The following BLMH variants were observed in gnomAD, a reference collection of about 807,000 sequenced individuals.
BLMH encodes bleomycin hydrolase, also known as BLM hydrolase.
In BLMH, 32 loss-of-function variants were observed where a neutral mutation model predicts 61.6. That is an observed-to-expected ratio of 0.52 (90% CI 0.39 to 0.70). BLMH has a LOEUF of 0.70. Among genes scored for constraint, BLMH ranks in the 30% least tolerant of loss-of-function variants. BLMH has a pLI of 0.00. For synonymous variants in BLMH, 183 were observed against 193.8 expected, an observed-to-expected ratio of 0.94 and a Z score of 0.46; for missense variants, 460 against 555.5, an observed-to-expected ratio of 0.83 and a Z score of 1.73.
At chr17:30,252,277 A>C (rs1448269407) in intron 11 of BLMH, 1 of 152,186 alleles carries the variant, frequency 6.6e-6, no homozygotes, top group African/African-American at 2.4e-5. Context: ...AGGTGTGACA[A>C]AGGGCATTAT....
intron 11 of BLMH, among the ~76,000 whole-genome samples, chr17:30,259,629 G>A (rs1203188649): frequency 1.3e-5 from 2 of 152,124 alleles, no homozygotes; most frequent in Admixed American, 6.5e-5. Context: ...AGCACACCAT[G>A]AATGCCACTT....
chr17:30,257,981 T>C (rs555138177), intron 11 of BLMH, among the ~76,000 whole-genome samples: 1 of 152,188 alleles, frequency 6.6e-6, no homozygotes, highest in Non-Finnish European at 1.5e-5. Flanking sequence ...GGTCCATTTA[T>C]AATGTATTTT....
chr17:30,274,003 A>T (rs1443530749), intron 7 of BLMH, 39 bp downstream of exon 7: 1 of 1,610,474 alleles, frequency 6.2e-7, no homozygotes, highest in East Asian at 2.2e-5. Flanking sequence ...CAGCCATTTG[A>T]AAGTAAACAG....
rs1597662683 is a variant in BLMH, at chr17:30,272,481, CAG to C, written c.1028+78_1028+79del. 2.0e-5 allele frequency: 30 copies of C among 1,512,166 alleles called. No homozygotes were observed. The East Asian group carries it at 6.3e-4, about 32-fold the overall frequency. The allele number at this position is 1,512,166 out of a possible 1,614,324, so 93.7% of individuals were successfully genotyped here. A position where few individuals can be genotyped will look rare whatever the true frequency, so the allele number is the denominator to read the frequency against. On this transcript the variant is annotated intron_variant, in intron 9 of 11. Coordinates refer to ENST00000261714, the MANE Select transcript of BLMH (RefSeq NM_000386.4). ...ACCTTCATCTTTGGATGAACCTCGG[CAG>C]AGTCATTTTGTACCAACAGCACACT...
In BLMH at chr17:30,291,491, C is replaced by T. The variant is rs1268988339; in HGVS notation, c.31G>A (p.Val11Ile). The change falls in exon 2 of 12, where the codon GTA (valine) becomes ATA (isoleucine). Residue 11 changes from valine (V) to isoleucine (I), a missense_variant. Val to Ile is a conservative substitution (Grantham distance 29). Coordinates refer to ENST00000261714, the MANE Select transcript of BLMH (RefSeq NM_000386.4). MSSSGLNSEK[V>I]AALIQKLNSD... ...TTCAGTTTCTGTATCAGAGCAGCTA[C>T]CTTCTCCGAATTCAGTCCTGTTGGG... is the stretch of plus-strand genomic sequence containing the variant. 9 of 1,614,228 alleles carry T rather than the reference C, an allele frequency of 5.6e-6. No individual in the cohort carries two copies. The highest frequency in any genetic ancestry group is 7.6e-6 in the Non-Finnish European group (9 of 1,180,032).
intron 11 of BLMH, 24 bp downstream of exon 11, chr17:30,266,861 T>C (rs756582629): frequency 1.2e-6 from 2 of 1,608,128 alleles, no homozygotes; most frequent in South Asian, 2.2e-5. Context: ...TCACCTGGAG[T>C]TAGTATTACC....
At position 30,291,867 on chromosome 17, in the gene BLMH, G is replaced by C. The variant is rs1472307518; in HGVS notation, c.-48C>G. 2.3e-6 allele frequency: 3 copies of C among 1,288,786 alleles called. No individual in the cohort carries two copies. Among genetic ancestry groups the C allele is most frequent in the East Asian group, 3.0e-5 (1 of 32,818 alleles). 79.8% of individuals were successfully genotyped at this position (1,288,786 alleles called of 1,614,324 possible). A position where few individuals can be genotyped will look rare whatever the true frequency, so the allele number is the denominator to read the frequency against. On this transcript the variant is annotated 5_prime_UTR_variant, in exon 1 of 12. Transcript: ENST00000261714. ...GTAACGGTAGCTTCCAGGGTCCTTG[G>C]GCGAGCGCCGGGATTGCGCTGCGGC...
chr17:30,269,745 A>G (rs896374018), intron 10 of BLMH, among the ~76,000 whole-genome samples: 6 of 152,148 alleles, frequency 3.9e-5, no homozygotes, highest in African/African-American at 1.4e-4. Context: ...GGTTTACAAG[A>G]CCTCAACCTT....
intron 5 of BLMH, among the ~76,000 whole-genome samples, chr17:30,285,768 CAT>C (rs1284070560): frequency 2.0e-5 from 3 of 152,176 alleles, no homozygotes; most frequent in African/African-American, 7.2e-5. Context: ...ATGGGGAAAA[CAT>C]GTGATCACAT....
intron 10 of BLMH, 120 bp downstream of exon 10, chr17:30,271,151 G>C: frequency 1.3e-6 from 1 of 773,472 alleles, no homozygotes; most frequent in Non-Finnish European, 2.1e-6. Flanking sequence ...GTCTTACTTG[G>C]AAACTAACTT....
chr17:30,271,460 G>T, intron 9 of BLMH, 72 bp from the exon 10 acceptor site: 4 of 1,175,076 alleles, frequency 3.4e-6, no homozygotes, highest in Non-Finnish European at 5.1e-6. Context: ...GTTGTAAAAG[G>T]AATTCAGAAG....
At chr17:30,284,386 G>A (rs927276749) in intron 6 of BLMH, among the ~76,000 whole-genome samples, 3 of 152,156 alleles carry the variant, frequency 2.0e-5, no homozygotes, top group Non-Finnish European at 2.9e-5. Flanking sequence ...GCTCCACTAT[G>A]CTGCATCTCT....
intron 5 of BLMH, 42 bp downstream of exon 5, chr17:30,286,772 A>G (rs1345735610): frequency 7.0e-7 from 1 of 1,423,020 alleles, no homozygotes; most frequent in Non-Finnish European, 9.9e-7. Context: ...GTTTGAAGGA[A>G]AGTACACTAA....
intron 2 of BLMH, 90 bp from the exon 3 acceptor site, chr17:30,289,572 G>C (rs1392808339): frequency 2.7e-6 from 2 of 736,682 alleles, no homozygotes; most frequent in Middle Eastern, 2.4e-4. Flanking sequence ...CTCATGACAC[G>C]ATCTGGACAA....
intron 6 of BLMH, among the ~76,000 whole-genome samples, chr17:30,283,195 G>A (rs1908637633): frequency 6.6e-6 from 1 of 152,148 alleles, no homozygotes; most frequent in African/African-American, 2.4e-5. Context: ...ACAGAATTCT[G>A]TAGTAAATAG....
intron 6 of BLMH, 100 bp from the exon 7 acceptor site, chr17:30,274,297 T>C (rs942830441): frequency 7.3e-7 from 1 of 1,361,522 alleles, no homozygotes; most frequent in African/African-American, 1.5e-5. Flanking sequence ...AAGAAGTTAG[T>C]GGCTAAATTC....
chr17:30,288,796 G>A (rs1222009332), intron 3 of BLMH, among the ~76,000 whole-genome samples: 2 of 152,070 alleles, frequency 1.3e-5, no homozygotes, highest in Non-Finnish European at 2.9e-5. Flanking sequence ...GAAATGCCCT[G>A]TCTCTACTAA....
chr17:30,284,843 T>C (rs1908685723), intron 6 of BLMH, among the ~76,000 whole-genome samples: 1 of 152,198 alleles, frequency 6.6e-6, no homozygotes, highest in Non-Finnish European at 1.5e-5. Flanking sequence ...TCCCTGAAGG[T>C]TCTATCTTTG....
chr17:30,258,776 C>T (rs1907882470), intron 11 of BLMH, among the ~76,000 whole-genome samples: 1 of 152,202 alleles, frequency 6.6e-6, no homozygotes, highest in Non-Finnish European at 1.5e-5. Context: ...TGTTTTCCCA[C>T]TGAAACTCAA....
Sources: allele counts gnomAD v4.1 joint callset (sites outside exome capture counted in the v4.1 genomes callset), GRCh38; gene constraint gnomAD v4.1.1; transcripts MANE v1.5; gene names NCBI Gene and HGNC (gene_info 2026-07-23, HGNC 2026-07-21).